CTNNAL1: variants seen among roughly 807,000 people sequenced by gnomAD.
The protein encoded by CTNNAL1 is catenin alpha like 1, also known as alpha-catulin.
A neutral mutation model predicts 93.6 loss-of-function variants in CTNNAL1; 69 were observed. The observed-to-expected ratio is 0.74, with a 90% CI of 0.61 to 0.90. The LOEUF is 0.90. CTNNAL1 is among the 40% of genes least tolerant of loss of function. The pLI is 0.00. For synonymous variants in CTNNAL1, 286 were observed against 305.4 expected, an observed-to-expected ratio of 0.94 and a Z score of 0.66; for missense variants, 836 against 862.0, an observed-to-expected ratio of 0.97 and a Z score of 0.38.
At position 108,999,053 on chromosome 9, in the gene CTNNAL1, C is replaced by G; in HGVS notation, c.331+14G>C. ...AAGTGGTATGAATAGTCTTCAAAATCAATATCCACCTACCTGCTTGTTTAG... is the reference window on the plus strand; with the variant it reads ...AAGTGGTATGAATAGTCTTCAAAATGAATATCCACCTACCTGCTTGTTTAG... On this transcript the variant is annotated intron_variant, in intron 2 of 18. Transcript: ENST00000325551. The G allele has an allele frequency of 6.3e-7, 1 of 1,586,544 alleles. No homozygotes were observed. The highest frequency in any genetic ancestry group is 1.2e-5 in the South Asian group (1 of 85,304).
At position 108,958,239 on chromosome 9, in the gene CTNNAL1, G is replaced by A. The variant is rs1587951180; in HGVS notation, c.1592-2412C>T. ...TCTATAGTGCCCATGGCCCTAAAAT[G>A]TTCATATTTACTCTCCACAAGTTGG... On this transcript the variant is annotated intron_variant, in intron 11 of 18. Coordinates refer to ENST00000325551, the MANE Select transcript of CTNNAL1 (RefSeq NM_003798.4). 2.0e-5 allele frequency among the ~76,000 whole-genome samples: 3 copies of A among 152,010 alleles called. No individual in the cohort carries two copies. In the East Asian group the frequency reaches 5.8e-4, roughly 29 times the overall value.
intron 12 of CTNNAL1, among the ~76,000 whole-genome samples, chr9:108,954,682 C>T (rs1192240880): frequency 6.6e-6 from 1 of 152,206 alleles, no homozygotes; most frequent in Non-Finnish European, 1.5e-5. Flanking sequence ...TTTGCAGTAT[C>T]ATGATCGCTT....
At chr9:109,002,060 T>C (rs540192315) in intron 1 of CTNNAL1, among the ~76,000 whole-genome samples, 1 of 152,178 alleles carries the variant, frequency 6.6e-6, no homozygotes, top group Non-Finnish European at 1.5e-5. Flanking sequence ...TGCAAAAGCA[T>C]GATGACCTTT....
chr9:108,966,256 T>C lies in CTNNAL1; in HGVS notation c.1441-728A>G, dbSNP rs112210820. Among the ~76,000 whole-genome samples the C allele has an allele frequency of 2.7e-3, 405 of 152,302 alleles. 2 individuals are homozygous for C. The highest frequency in any genetic ancestry group is 9.2e-3 in the African/African-American group (382 of 41,582). ...AAAACACTTGTAAAGAGGGCAGAAA[T>C]CATCCTGGTACTTTTACGTACCACC... On this transcript the variant is annotated intron_variant, in intron 10 of 18. Transcript: ENST00000325551.
Position 108,984,426 on chromosome 9 carries a change from T to C in CTNNAL1, c.650A>G (p.Asp217Gly), listed in dbSNP as rs1831537903. Reference protein sequence around the residue: ...LSGDRQNDLKDEKKKAKMAAA... With the variant: ...LSGDRQNDLKGEKKKAKMAAA... ...TGCCATTTTTGCCTTTTTCTTTTCATCTTTCAAATCCTAAATATGAAATAA... is the reference window on the plus strand; with the variant it reads ...TGCCATTTTTGCCTTTTTCTTTTCACCTTTCAAATCCTAAATATGAAATAA... The change falls in exon 5 of 19, where the codon GAT becomes GGT. Residue 217 changes from aspartate to glycine, a missense_variant. Asp to Gly is a moderately conservative substitution (Grantham distance 94). Transcript: ENST00000325551. 1 of 1,597,556 alleles carries C rather than the reference T, an allele frequency of 6.3e-7. No homozygotes were observed. Among genetic ancestry groups the C allele is most frequent in the Non-Finnish European group, 8.6e-7 (1 of 1,165,212 alleles).
chr9:109,005,907 A>G (rs1827010738), intron 1 of CTNNAL1, among the ~76,000 whole-genome samples: 1 of 152,246 alleles, frequency 6.6e-6, no homozygotes, highest in Admixed American at 6.5e-5. Context: ...ACTGGAAAGC[A>G]GTCTAGGAAA....
intron 11 of CTNNAL1, among the ~76,000 whole-genome samples, chr9:108,961,172 C>T (rs1830811872): frequency 6.6e-6 from 1 of 152,170 alleles, no homozygotes; most frequent in African/African-American, 2.4e-5. Flanking sequence ...CAACAATAGT[C>T]ATAACAGGAG....
Position 108,999,229 on chromosome 9 carries a change from T to G in CTNNAL1, c.169A>C (p.Asn57His). Reference sequence around the variant, plus strand: ...AGAGTTTTATCAGACTTTTTGGTATTATCTTTATGATTAATAAGCGTGGTG... The same window carrying G: ...AGAGTTTTATCAGACTTTTTGGTATGATCTTTATGATTAATAAGCGTGGTG... ...QITTLINHKD[N>H]TKKSDKTLQA... The change falls in exon 2 of 19, where the codon AAT becomes CAT. Residue 57 changes from asparagine to histidine, a missense_variant. Transcript: ENST00000325551. The G allele has an allele frequency of 1.2e-6, 2 of 1,605,204 alleles. No individual in the cohort carries two copies. Among genetic ancestry groups the G allele is most frequent in the Non-Finnish European group, 1.7e-6 (2 of 1,177,382 alleles).
chr9:108,977,134 TA>T, intron 7 of CTNNAL1, 86 bp from the exon 8 acceptor site: 1 of 562,928 alleles, frequency 1.8e-6, no homozygotes, highest in Non-Finnish European at 3.0e-6. Context: ...TAAATTGTAA[TA>T]AATTTTAATA....
intron 4 of CTNNAL1, among the ~76,000 whole-genome samples, chr9:108,985,870 G>T (rs1013762432): frequency 2.6e-5 from 4 of 152,092 alleles, no homozygotes; most frequent in South Asian, 2.1e-4. Context: ...GACAGAAAAA[G>T]ATGGCATCTC....
At chr9:108,949,614 C>T (rs939835013) in intron 14 of CTNNAL1, among the ~76,000 whole-genome samples, 5 of 151,996 alleles carry the variant, frequency 3.3e-5, no homozygotes, top group Admixed American at 1.3e-4. Flanking sequence ...GAGGCTGAGG[C>T]GGGCAGATCA....
At chr9:108,983,763 T>A (rs28361128) in intron 5 of CTNNAL1, among the ~76,000 whole-genome samples, 62 of 152,290 alleles carry the variant, frequency 4.1e-4, no homozygotes, top group African/African-American at 1.3e-3. Context: ...ACGAAGTCTG[T>A]TTTTGTGGCT....
At chr9:108,984,209 C>T in intron 5 of CTNNAL1, 138 bp downstream of exon 5, 1 of 559,250 alleles carries the variant, frequency 1.8e-6, no homozygotes, top group Non-Finnish European at 3.2e-6. Flanking sequence ...TAAATAATAA[C>T]TGAGATTTAA....
intron 14 of CTNNAL1, among the ~76,000 whole-genome samples, chr9:108,949,959 G>A (rs999412323): frequency 5.4e-5 from 8 of 148,594 alleles, no homozygotes; most frequent in Non-Finnish European, 1.2e-4. Context: ...AGGAGGCGGA[G>A]GTTGCAGTGA....
rs1410803660 is a variant in CTNNAL1, at chr9:108,952,341, A to G, written c.1703T>C (p.Leu568Pro). ...GGTGAGCAAACCCAGCTTAAGTCCA[A>G]GCTTTGCTATCTTGGCTTGCTCCTA... Reference protein sequence around the residue: ...DSEEQAKIAKLGLKLGLLTSD... With the variant: ...DSEEQAKIAKPGLKLGLLTSD... The change falls in exon 14 of 19, where the codon CTT becomes CCT. Residue 568 changes from leucine to proline, a missense_variant. Leu to Pro is a moderately conservative substitution (Grantham distance 98). Coordinates refer to ENST00000325551, the MANE Select transcript of CTNNAL1 (RefSeq NM_003798.4). 1 of 1,614,064 alleles carries G rather than the reference A, an allele frequency of 6.2e-7. No homozygotes were observed. Among genetic ancestry groups the G allele is most frequent in the African/African-American group, 1.3e-5 (1 of 74,922 alleles).
chr9:109,005,767 T>C (rs1827006193), intron 1 of CTNNAL1, among the ~76,000 whole-genome samples: 1 of 152,208 alleles, frequency 6.6e-6, no homozygotes, highest in Admixed American at 6.5e-5. Context: ...AGTTTTAAAA[T>C]TTCAATTACA....
At chr9:108,952,716 A>G (rs1830597883) in intron 12 of CTNNAL1, among the ~76,000 whole-genome samples, 1 of 152,202 alleles carries the variant, frequency 6.6e-6, no homozygotes, top group African/African-American at 2.4e-5. Context: ...AAAGCAAGTC[A>G]GTGCCTTCCC....
chr9:108,960,640 T>C (rs539005419), intron 11 of CTNNAL1, among the ~76,000 whole-genome samples: 1 of 152,356 alleles, frequency 6.6e-6, no homozygotes, highest in African/African-American at 2.4e-5. Context: ...GTAGTCATAT[T>C]TACTCTGAAA....
intron 1 of CTNNAL1, among the ~76,000 whole-genome samples, chr9:109,005,808 T>G (rs774256105): frequency 5.9e-5 from 9 of 152,210 alleles, no homozygotes; most frequent in Admixed American, 1.3e-4. Context: ...AGCCAAAATA[T>G]GAACTATTGT....
Sources: allele counts gnomAD v4.1 joint callset (sites outside exome capture counted in the v4.1 genomes callset), GRCh38; gene constraint gnomAD v4.1.1; transcripts MANE v1.5; gene names NCBI Gene and HGNC (gene_info 2026-07-23, HGNC 2026-07-21).